Variants in RAPGEFL1 observed in about 807,000 individuals in gnomAD.
RAPGEFL1 encodes the protein Rap guanine nucleotide exchange factor like 1, also known as rap guanine nucleotide exchange factor-like 1.
A neutral mutation model predicts 64.4 loss-of-function variants in RAPGEFL1; 31 were observed. The ratio of observed to expected loss-of-function variants is 0.48; its 90% CI spans 0.36 to 0.65. The LOEUF (loss-of-function observed/expected upper bound fraction) is 0.65, where lower values mean the gene tolerates loss of function less well. Among genes scored for constraint, RAPGEFL1 ranks in the 30% least tolerant of loss-of-function variants. RAPGEFL1 has a pLI of 0.00. For synonymous variants in RAPGEFL1, 331 were observed against 274.1 expected, an observed-to-expected ratio of 1.21 and a Z score of -2.05; for missense variants, 682 against 677.4, an observed-to-expected ratio of 1.01 and a Z score of -0.08.
intron 13 of RAPGEFL1, among the ~76,000 whole-genome samples, 160 bp from the exon 14 acceptor site, chr17:40,193,203 C>G (rs1489577910): frequency 6.6e-6 from 1 of 152,184 alleles, no homozygotes; most frequent in Admixed American, 6.5e-5. Context: ...CTCCCCCTCA[C>G]ATGGCACTCT....
rs1488508736 is a variant in RAPGEFL1, at chr17:40,189,205, C to T, written c.947-3C>T. The stretch of plus-strand genomic sequence containing the variant: ...TGAAAGCCATTTTCCTGTTTCCGTC[C>T]AGTCTTCTGCCGTGTATACATGCCT... On this transcript the variant is annotated splice_region_variant and splice_polypyrimidine_tract_variant and intron_variant, in intron 5 of 14. Transcript: ENST00000620260. 3 of 1,613,878 alleles carry T rather than the reference C, an allele frequency of 1.9e-6. No homozygotes were observed. The highest frequency in any genetic ancestry group is 1.7e-6 in the Non-Finnish European group (2 of 1,179,860).
intron 4 of RAPGEFL1, among the ~76,000 whole-genome samples, chr17:40,186,314 A>G (rs1356304082): frequency 6.8e-6 from 1 of 147,968 alleles, no homozygotes; most frequent in African/African-American, 2.5e-5. Context: ...CACGCCTGTA[A>G]TCCCAGCACT....
intron 14 of RAPGEFL1, 61 bp from the exon 15 acceptor site, chr17:40,193,603 G>A: frequency 6.2e-7 from 1 of 1,612,228 alleles, no homozygotes; most frequent in Non-Finnish European, 8.5e-7. Flanking sequence ...TCTGCCCGGT[G>A]TGTGTGTAGA....
At chr17:40,188,483 G>A (rs1990153295) in intron 4 of RAPGEFL1, 1 of 260,472 alleles carries the variant, frequency 3.8e-6, no homozygotes, top group Non-Finnish European at 7.5e-6. Context: ...GTGTCAAGCA[G>A]TGTGTTAGGC....
intron 11 of RAPGEFL1, 40 bp downstream of exon 11, chr17:40,192,303 A>G: frequency 6.3e-7 from 1 of 1,596,046 alleles, no homozygotes; most frequent in Non-Finnish European, 8.6e-7. Context: ...TTGGACTGAG[A>G]GCCCAGAAAC....
chr17:40,178,168 C>T lies in RAPGEFL1; in HGVS notation c.307C>T (p.Leu103=). The part of the protein sequence containing the change: ...EEPGSGGPCW[L]QLEEVPGPGP... The stretch of plus-strand genomic sequence containing the variant: ...GCCGGGCAGCGGGGGGCCCTGCTGG[C>T]TGCAGCTGGAGGAGGTGCCGGGGCC... Residue 103 remains leucine (L), a synonymous_variant, in exon 1 of 15, where the codon CTG becomes TTG. Coordinates refer to ENST00000620260, the MANE Select transcript of RAPGEFL1 (RefSeq NM_016339.6). 1 of 556,224 alleles carries T rather than the reference C, an allele frequency of 1.8e-6. No homozygotes were observed. Among genetic ancestry groups the T allele is most frequent in the South Asian group, 2.1e-5 (1 of 48,436 alleles). The allele number at this position is 556,224 out of a possible 1,614,324, so 34.5% of individuals were successfully genotyped here. A position where few individuals can be genotyped will look rare whatever the true frequency, so the allele number is the denominator to read the frequency against.
chr17:40,178,842 G>A (rs1230439488), intron 1 of RAPGEFL1, among the ~76,000 whole-genome samples: 1 of 152,250 alleles, frequency 6.6e-6, no homozygotes, highest in Non-Finnish European at 1.5e-5. Flanking sequence ...CCCACCCAGG[G>A]AGGCAGTGCC....
intron 2 of RAPGEFL1, 55 bp downstream of exon 2, chr17:40,181,749 G>A (rs750517129): frequency 3.6e-5 from 25 of 697,046 alleles, no homozygotes; most frequent in Non-Finnish European, 5.2e-5. Context: ...CACTCCCTCC[G>A]TCCCACATGC....
At chr17:40,184,054 G>A (rs894216915) in intron 2 of RAPGEFL1, among the ~76,000 whole-genome samples, 160 bp from the exon 3 acceptor site, 4 of 151,890 alleles carry the variant, frequency 2.6e-5, no homozygotes, top group African/African-American at 9.7e-5. Context: ...ATGTTGGCCA[G>A]ACTGGTCTCG....
At chr17:40,189,514 CTG>C in intron 6 of RAPGEFL1, 139 bp downstream of exon 6, 1 of 976,336 alleles carries the variant, frequency 1.0e-6, no homozygotes, top group African/African-American at 1.6e-5. Context: ...TGTGCATCGC[CTG>C]GGAACTTGTT....
Position 40,178,012 on chromosome 17 carries a change from C to T in RAPGEFL1, c.151C>T (p.Arg51Trp). ...GGGCGGCGGTCCAGCCGGGGGACAGCGGTCGTTGCAGCGGCGTCAGAGCGT... is the reference window on the plus strand; with the variant it reads ...GGGCGGCGGTCCAGCCGGGGGACAGTGGTCGTTGCAGCGGCGTCAGAGCGT... ...GGGGGPAGGQ[R>W]SLQRRQSVSR... The change falls in exon 1 of 15, where the codon CGG (arginine) becomes TGG (tryptophan). Residue 51 changes from arginine (R) to tryptophan (W), a missense_variant. Around this residue, in one of 2 missense-constraint regions of RAPGEFL1, gnomAD observed 271 missense variants for 158.0 expected, o/e 1.72. Coordinates refer to ENST00000620260, the MANE Select transcript of RAPGEFL1 (RefSeq NM_016339.6). 2.0e-6 allele frequency: 1 copy of T among 507,790 alleles called. No individual in the cohort carries two copies. Among genetic ancestry groups the T allele is most frequent in the Admixed American group, 4.1e-5 (1 of 24,214 alleles). The allele number at this position is 507,790 out of a possible 1,614,324, so 31.5% of individuals were successfully genotyped here. A position where few individuals can be genotyped will look rare whatever the true frequency, so the allele number is the denominator to read the frequency against.
rs1477127205 is a variant in RAPGEFL1, at chr17:40,184,629, C to G, written c.784C>G (p.Arg262Gly). The stretch of plus-strand genomic sequence containing the variant: ...GGACGAGTCCCTTTACCAGGGCCTC[C>G]GAGAGGACACTCTGAGGCTGCACCA... ...MKDESLYQGL[R>G]EDTLRLHQLV... is the part of the protein sequence containing the mutation. Residue 262 changes from arginine to glycine, a missense_variant, in exon 4 of 15, where the codon CGA (arginine) becomes GGA (glycine). Physicochemically the swap from Arg to Gly is moderately radical, Grantham distance 125 (BLOSUM62 -2). Transcript: ENST00000620260. 1 of 1,592,630 alleles carries G rather than the reference C, an allele frequency of 6.3e-7. No individual in the cohort carries two copies. The highest frequency in any genetic ancestry group is 1.3e-5 in the African/African-American group (1 of 74,384).
Position 40,193,654 on chromosome 17 carries a change from T to C in RAPGEFL1, c.1865-10T>C, listed in dbSNP as rs1990358313. Reference sequence around the variant, plus strand: ...GGGAACCTGACTGCCTCTCCCTCTTTACCCACTAGGCCTGGACATGGAGGC... The same window carrying C: ...GGGAACCTGACTGCCTCTCCCTCTTCACCCACTAGGCCTGGACATGGAGGC... On this transcript the variant is annotated splice_polypyrimidine_tract_variant and intron_variant, in intron 14 of 14. Coordinates refer to ENST00000620260, the MANE Select transcript of RAPGEFL1 (RefSeq NM_016339.6). 3.7e-6 allele frequency: 6 copies of C among 1,613,934 alleles called. No individual in the cohort carries two copies. The highest frequency in any genetic ancestry group is 1.7e-5 in the Admixed American group (1 of 59,980).
In RAPGEFL1 at chr17:40,195,190, CAT is replaced by C. The variant is rs1462737097; in HGVS notation, c.*1405_*1406del. 1 of 152,042 alleles carries C rather than the reference CAT, an allele frequency of 6.6e-6. No homozygotes were observed. Among genetic ancestry groups the C allele is most frequent in the African/African-American group, 2.4e-5 (1 of 41,358 alleles). The allele number at this position is 152,042 out of a possible 1,614,324, so 9.4% of individuals were successfully genotyped here. A position where few individuals can be genotyped will look rare whatever the true frequency, so the allele number is the denominator to read the frequency against. ...CTCAAAGAGGGAAAGAGCCTTGTAT[CAT>C]ATGTGAACATTGTATCATAGGTAAT... On this transcript the variant is annotated 3_prime_UTR_variant, in exon 15 of 15. Coordinates refer to ENST00000620260, the MANE Select transcript of RAPGEFL1 (RefSeq NM_016339.6).
In RAPGEFL1 at chr17:40,194,893, GA is replaced by G. The variant is rs2145232765; in HGVS notation, c.*1106del. ...CAAAGTGGGGGAGGGGGATGGCAGAGACTGTAAAGGCGCCACTGGACTCTGG... is the reference window on the plus strand; with the variant it reads ...CAAAGTGGGGGAGGGGGATGGCAGAGCTGTAAAGGCGCCACTGGACTCTGG... On this transcript the variant is annotated 3_prime_UTR_variant, in exon 15 of 15. Coordinates refer to ENST00000620260, the MANE Select transcript of RAPGEFL1 (RefSeq NM_016339.6). 1 of 152,788 alleles carries G rather than the reference GA, an allele frequency of 6.5e-6. No homozygotes were observed. Among genetic ancestry groups the G allele is most frequent in the African/African-American group, 2.4e-5 (1 of 41,584 alleles). 9.5% of individuals were successfully genotyped at this position (152,788 alleles called of 1,614,324 possible).
intron 14 of RAPGEFL1, 42 bp from the exon 15 acceptor site, chr17:40,193,622 G>A: frequency 6.2e-7 from 1 of 1,613,836 alleles, no homozygotes; most frequent in Non-Finnish European, 8.5e-7. Flanking sequence ...GAGGAAGAAG[G>A]GAAGCTGGGA....
intron 2 of RAPGEFL1, among the ~76,000 whole-genome samples, chr17:40,182,431 C>T (rs1989922527): frequency 6.6e-6 from 1 of 152,172 alleles, no homozygotes. Flanking sequence ...CCTGCCTCAG[C>T]CTCCCCCATA....
rs772271308 is a variant in RAPGEFL1, at chr17:40,192,240, T to C, written c.1633T>C (p.Phe545Leu). The change falls in exon 11 of 15, where the codon TTT (phenylalanine) becomes CTT (leucine). Residue 545 changes from phenylalanine (F) to leucine (L), a missense_variant. Around this residue, in one of 2 missense-constraint regions of RAPGEFL1, gnomAD observed 411 missense variants for 519.4 expected, o/e 0.79. Transcript: ENST00000620260. ...GCTGCCAGGGAAATTCAAGAACTTG[T>C]TTCGCAAATTTGAGAACCTGACGGT... ...EKLPGKFKNL[F>L]RKFENLTDPC... The C allele has an allele frequency of 1.2e-6, 2 of 1,614,110 alleles. No individual in the cohort carries two copies.
intron 6 of RAPGEFL1, 137 bp from the exon 7 acceptor site, chr17:40,190,297 C>G: frequency 1.5e-6 from 1 of 665,926 alleles, no homozygotes; most frequent in East Asian, 2.7e-5. Flanking sequence ...ATGGCATAAA[C>G]TAGTGATAAG....
Sources: allele counts gnomAD v4.1 joint callset (sites outside exome capture counted in the v4.1 genomes callset), GRCh38; gene constraint gnomAD v4.1.1; regional missense constraint gnomAD v4.1.1; transcripts MANE v1.5; gene names NCBI Gene and HGNC (gene_info 2026-07-23, HGNC 2026-07-21).